Variants in KCNQ1 observed in about 807,000 individuals in gnomAD.
The protein encoded by KCNQ1 is potassium voltage-gated channel subfamily KQT member 1.
Under a neutral mutation model 72.4 loss-of-function variants are expected in KCNQ1, and 49 were observed. The ratio of observed to expected loss-of-function variants is 0.68; its 90% CI spans 0.54 to 0.86. The LOEUF is 0.86. Ranked by LOEUF, KCNQ1 falls within the 40% of genes least tolerant of loss-of-function variation. The pLI, the probability that KCNQ1 is intolerant of heterozygous loss-of-function variation, is 0.00. For synonymous variants in KCNQ1, 450 were observed against 412.6 expected (o/e 1.09, Z -1.10); for missense variants, 790 against 945.1 (o/e 0.84, Z 2.15).
chr11:2,661,948 A>G lies in KCNQ1; in HGVS notation c.1394-13A>G, dbSNP rs747187696. The G allele has an allele frequency of 6.2e-7, 1 of 1,614,118 alleles. No individual in the cohort carries two copies. ...GGGAGGCCTAACGTGCTGTCCCCAC[A>G]CTTTCTCCTCAGTAAGGAAGAGCCC... On this transcript the variant is annotated splice_polypyrimidine_tract_variant and intron_variant, in intron 10 of 15. Coordinates refer to ENST00000155840, the MANE Select transcript of KCNQ1 (RefSeq NM_000218.3). The surrounding 1 kb of genome is among the most constrained non-coding windows in gnomAD (Gnocchi z 5.9).
intron 2 of KCNQ1, among the ~76,000 whole-genome samples, chr11:2,557,379 C>T (rs1394917205): frequency 1.3e-5 from 2 of 152,138 alleles, no homozygotes; most frequent in South Asian, 2.1e-4. Flanking sequence ...TGGAATAGGA[C>T]AGTTCTAGTG....
At chr11:2,558,723 G>GC (rs1848110707) in intron 2 of KCNQ1, among the ~76,000 whole-genome samples, 2 of 152,156 alleles carry the variant, frequency 1.3e-5, no homozygotes, top group Admixed American at 1.3e-4. Flanking sequence ...ACTCTAGTCG[G>GC]CCCCCGTAAG....
chr11:2,522,100 G>A (rs1847393912), intron 1 of KCNQ1, among the ~76,000 whole-genome samples: 1 of 152,246 alleles, frequency 6.6e-6, no homozygotes, highest in Non-Finnish European at 1.5e-5. Flanking sequence ...TGCCTTCGGG[G>A]CTGGTACTCG....
intron 1 of KCNQ1, among the ~76,000 whole-genome samples, chr11:2,445,753 C>G (rs917003675): frequency 2.6e-5 from 4 of 152,196 alleles, no homozygotes; most frequent in African/African-American, 9.6e-5. Context: ...GAATTTGGCT[C>G]CACACCTCCG....
rs541269337 is a variant in KCNQ1, at chr11:2,715,075, G to A, written c.1514+52994G>A. Among the ~76,000 whole-genome samples, 2 of 152,196 alleles carry A rather than the reference G, an allele frequency of 1.3e-5. No homozygotes were observed. The highest frequency in any genetic ancestry group is 1.9e-4 in the East Asian group (1 of 5,156). On this transcript the variant is annotated intron_variant, in intron 11 of 15. Transcript: ENST00000155840. This position sits in a 1 kb window ranked among gnomAD's most constrained non-coding sequence, Gnocchi z 4.9. ...GAGGAGTAGCAGGGTGGGGTCCGGC[G>A]GTAATGCCACTGATGATACTTGGCG...
At position 2,783,750 on chromosome 11, in the gene KCNQ1, T is replaced by C. The variant is rs574981451; in HGVS notation, c.1794+5713T>C. On this transcript the variant is annotated intron_variant, in intron 15 of 15. Transcript: ENST00000155840. This position sits in a 1 kb window ranked among gnomAD's most constrained non-coding sequence, Gnocchi z 5.2. ...TGATTTGCATTTCCCTAATGACTAA[T>C]GATGTTGAGCCACTTTTCATGTGCT... 1.4e-4 allele frequency among the ~76,000 whole-genome samples: 22 copies of C among 152,216 alleles called. No homozygotes were observed. In the South Asian group the frequency reaches 4.1e-3, roughly 29 times the overall value.
Position 2,663,413 on chromosome 11 carries a change from A to G in KCNQ1, c.1514+1332A>G. 2.5e-6 allele frequency: 1 copy of G among 398,838 alleles called. No homozygotes were observed. The allele number at this position is 398,838 out of a possible 1,614,324, so 24.7% of individuals were successfully genotyped here. On this transcript the variant is annotated intron_variant, in intron 11 of 15. Transcript: ENST00000155840. This position sits in a 1 kb window ranked among gnomAD's most constrained non-coding sequence, Gnocchi z 5.2. ...AGAATGATGGCTTACACTGTGGCCA[A>G]GGCCTGTACCAAGTCCTGGATATGA...
intron 10 of KCNQ1, chr11:2,655,614 C>T (rs984957306): frequency 7.5e-6 from 3 of 398,752 alleles, no homozygotes; most frequent in South Asian, 2.5e-4. Context: ...GGGCACAGCA[C>T]TTGCCCTCAA....
Position 2,664,804 on chromosome 11 carries a change from C to A in KCNQ1, c.1514+2723C>A, listed in dbSNP as rs1202159982. ...GGAGGCAGTTACCAAAAAACATTTC[C>A]ATTTTTCTTCAGCATTCTACTGATG... On this transcript the variant is annotated intron_variant, in intron 11 of 15. Transcript: ENST00000155840. This position sits in a 1 kb window ranked among gnomAD's most constrained non-coding sequence, Gnocchi z 5.1. 1.8e-5 allele frequency: 7 copies of A among 398,698 alleles called. No homozygotes were observed. The East Asian group carries it at 2.5e-4, about 14-fold the overall frequency. The allele number at this position is 398,698 out of a possible 1,614,324, so 24.7% of individuals were successfully genotyped here. A position where few individuals can be genotyped will look rare whatever the true frequency, so the allele number is the denominator to read the frequency against.
At chr11:2,742,397 TACTC>T (rs1036976557) in intron 11 of KCNQ1, among the ~76,000 whole-genome samples, 7 of 152,314 alleles carry the variant, frequency 4.6e-5, no homozygotes, top group East Asian at 3.9e-4. Flanking sequence ...GTCTGTCTCA[TACTC>T]ACGGCCACCT....
At chr11:2,825,176 C>CGGGACT (rs56680306) in intron 15 of KCNQ1, among the ~76,000 whole-genome samples, 24,239 of 151,540 alleles carry the variant, frequency 0.16, 3,058 homozygotes, top group East Asian at 0.37. Context: ...TTCCCTGCGG[C>CGGGACT]GGGACTGGGG....
intron 10 of KCNQ1, chr11:2,648,052 A>AC (rs540375360): frequency 9.4e-5 from 9 of 95,852 alleles, no homozygotes; most frequent in African/African-American, 4.3e-4. Flanking sequence ...CATCTCTACC[A>AC]AAAAAAAAAA....
intron 10 of KCNQ1, chr11:2,625,212 C>T: frequency 5.0e-6 from 2 of 398,578 alleles, no homozygotes; most frequent in Non-Finnish European, 8.8e-6. Context: ...ACAAGGATTC[C>T]AATTTCTCCA....
rs1850713666 is a variant in KCNQ1 at position 2,698,366 on chromosome 11, T to C, written c.1514+36285T>C. The C allele has an allele frequency of 5.0e-6, 2 of 398,594 alleles. No homozygotes were observed. The highest frequency in any genetic ancestry group is 7.1e-5 in the East Asian group (2 of 28,082). The allele number at this position is 398,594 out of a possible 1,614,324, so 24.7% of individuals were successfully genotyped here. On this transcript the variant is annotated intron_variant, in intron 11 of 15. Coordinates refer to ENST00000155840, the MANE Select transcript of KCNQ1 (RefSeq NM_000218.3). This position sits in a 1 kb window ranked among gnomAD's most constrained non-coding sequence, Gnocchi z 5.1. The stretch of plus-strand genomic sequence containing the variant: ...TCTCAATTTTATATAAAAGGCTATT[T>C]GACCTGCTCAGGGACCACAGTGGGG...
chr11:2,581,762 C>T (rs1848502235), intron 6 of KCNQ1, among the ~76,000 whole-genome samples: 1 of 152,266 alleles, frequency 6.6e-6, no homozygotes, highest in Admixed American at 6.5e-5. Context: ...TGTGGAGCAT[C>T]CCATCTCTGC....
intron 15 of KCNQ1, among the ~76,000 whole-genome samples, chr11:2,795,970 C>T (rs974150110): frequency 6.6e-6 from 1 of 151,692 alleles, no homozygotes; most frequent in African/African-American, 2.4e-5. Flanking sequence ...GCCCCCTGCC[C>T]CACTCACACA....
In KCNQ1 at chr11:2,602,278, G is replaced by GAA. The variant is rs550636752; in HGVS notation, c.1393+13436_1393+13437dup. Among the ~76,000 whole-genome samples the GAA allele has an allele frequency of 0.014, 1,855 of 136,888 alleles. 59 individuals are homozygous for GAA. Among genetic ancestry groups the GAA allele is most frequent in the East Asian group, 0.09 (434 of 4,822 alleles). 89.8% of individuals were successfully genotyped at this position (136,888 alleles called of 152,430 possible). On this transcript the variant is annotated intron_variant, in intron 10 of 15. Transcript: ENST00000155840. The surrounding 1 kb of genome is among the most constrained non-coding windows in gnomAD (Gnocchi z 4.8). ...AGACTTCTGGCCTCTAGAACTGTGA[G>GAA]AAAAAAAAAAAAAGCGTGTCTTGTT... is the stretch of plus-strand genomic sequence containing the variant.
rs1205948038 is a variant in KCNQ1 at position 2,720,526 on chromosome 11, G to A, written c.1515-48318G>A. On this transcript the variant is annotated intron_variant, in intron 11 of 15. Transcript: ENST00000155840. This position sits in a 1 kb window ranked among gnomAD's most constrained non-coding sequence, Gnocchi z 5.1. ...TGTAAGGGGAGAGGGACCCAGGGCT[G>A]ACCAGAGCAAGCAGTGTGCCATTAA... Among the ~76,000 whole-genome samples the A allele has an allele frequency of 1.3e-5, 2 of 152,184 alleles. No individual in the cohort carries two copies. Among genetic ancestry groups the A allele is most frequent in the African/African-American group, 4.8e-5 (2 of 41,442 alleles).
In KCNQ1 at chr11:2,642,248, G is replaced by A; in HGVS notation, c.1394-19713G>A. The A allele has an allele frequency of 7.5e-6, 3 of 398,408 alleles. No homozygotes were observed. Among genetic ancestry groups the A allele is most frequent in the Admixed American group, 4.4e-5 (1 of 22,722 alleles). The allele number at this position is 398,408 out of a possible 1,614,324, so 24.7% of individuals were successfully genotyped here. Reference sequence around the variant, plus strand: ...AATTTTGTTAATTCTCCCAATCCATGAGAATGGGATGTTTTTTGTGTGTTC... The same window carrying A: ...AATTTTGTTAATTCTCCCAATCCATAAGAATGGGATGTTTTTTGTGTGTTC... On this transcript the variant is annotated intron_variant, in intron 10 of 15. Coordinates refer to ENST00000155840, the MANE Select transcript of KCNQ1 (RefSeq NM_000218.3). This position sits in a 1 kb window ranked among gnomAD's most constrained non-coding sequence, Gnocchi z 4.3.
Sources: gnomAD v4.1 joint callset for allele counts (sites outside exome capture counted in the v4.1 genomes callset) on GRCh38, gnomAD v4.1.1 for gene constraint, Gnocchi (gnomAD v3.1) non-coding constraint, MANE v1.5 for transcripts, NCBI Gene and HGNC (gene_info 2026-07-23, HGNC 2026-07-21) for gene names.